The following CXADR variants were observed in gnomAD, a reference collection of about 807,000 sequenced individuals.
CXADR encodes coxsackievirus and adenovirus receptor.
Under a neutral mutation model 40.3 loss-of-function variants are expected in CXADR, and 20 were observed. The ratio of observed to expected loss-of-function variants is 0.50; its 90% CI spans 0.35 to 0.72. The LOEUF is 0.72. CXADR is among the 30% of genes least tolerant of loss of function. CXADR has a pLI of 0.01. For synonymous variants in CXADR, 150 were observed against 161.3 expected (o/e 0.93, Z 0.53); for missense variants, 332 against 449.1 (o/e 0.74, Z 2.36).
chr21:17,609,980 A>G, the CXADR span, among the ~76,000 whole-genome samples: 2 of 152,232 alleles, frequency 1.3e-5, no homozygotes, highest in African/African-American at 2.4e-5. Context: ...ATGTAATGGA[A>G]TATTATTCAG....
downstream of CXADR, among the ~76,000 whole-genome samples, chr21:17,573,727 G>A (rs1290513169): frequency 6.6e-6 from 1 of 152,184 alleles, no homozygotes; most frequent in East Asian, 1.9e-4. Flanking sequence ...TGACCAATGT[G>A]GTGAAACCCC....
chr21:17,573,606 AAGT>A (rs1381003035), downstream of CXADR, among the ~76,000 whole-genome samples: 1 of 152,120 alleles, frequency 6.6e-6, no homozygotes. Flanking sequence ...TCAAGTGAAA[AAGT>A]AGTTGAAACG....
the CXADR span, among the ~76,000 whole-genome samples, chr21:17,610,780 C>A: frequency 1.3e-5 from 2 of 152,216 alleles, no homozygotes. Context: ...ACTAACCTAG[C>A]AGTAGTTTGT....
intron 1 of CXADR, chr21:17,518,752 G>A: frequency 6.3e-7 from 1 of 1,588,096 alleles, no homozygotes; most frequent in Non-Finnish European, 8.6e-7. Context: ...AATTGCAAAG[G>A]TGTTAGCAGA....
intron 1 of CXADR, chr21:17,518,821 A>G: frequency 6.4e-7 from 1 of 1,566,336 alleles, no homozygotes; most frequent in Non-Finnish European, 8.8e-7. Context: ...ATCTTTAATC[A>G]TGTTCATCTC....
At position 17,568,602 on chromosome 21, in the gene CXADR, G is replaced by A. The variant is rs1234409185; in HGVS notation, c.*2910G>A. ...GAGATAGGGTTTCACTATTGCTCAG[G>A]CTGGTCTCAAACTGCTGGGCTCAGG... On this transcript the variant is annotated 3_prime_UTR_variant, in exon 7 of 7. Coordinates refer to ENST00000284878, the MANE Select transcript of CXADR (RefSeq NM_001338.5). 1 of 976,788 alleles carries A rather than the reference G, an allele frequency of 1.0e-6. No homozygotes were observed. The allele number at this position is 976,788 out of a possible 1,614,324, so 60.5% of individuals were successfully genotyped here.
At chr21:17,593,082 GT>G in intron 7 of CXADR, 2 of 1,245,202 alleles carry the variant, frequency 1.6e-6, no homozygotes, top group Admixed American at 3.9e-5. Flanking sequence ...GCTGATCTTA[GT>G]TTTTAAAAAT....
At chr21:17,627,618 A>G in the CXADR span, among the ~76,000 whole-genome samples, 1 of 152,226 alleles carries the variant, frequency 6.6e-6, no homozygotes, top group Non-Finnish European at 1.5e-5. Flanking sequence ...TCTACAAAAT[A>G]TTTAAAAGTA....
chr21:17,615,988 C>T, the CXADR span, among the ~76,000 whole-genome samples: 9 of 152,184 alleles, frequency 5.9e-5, no homozygotes, highest in Non-Finnish European at 1.0e-4. Flanking sequence ...TGGTGGCTCA[C>T]GCCTGTAATC....
intron 1 of CXADR, chr21:17,543,102 C>T: frequency 3.1e-6 from 1 of 325,852 alleles, no homozygotes; most frequent in South Asian, 2.5e-5. Flanking sequence ...ATCTAAAAGT[C>T]ATTAAAAAAT....
intron 7 of CXADR, among the ~76,000 whole-genome samples, chr21:17,578,032 C>T (rs2061334382): frequency 6.6e-6 from 1 of 152,050 alleles, no homozygotes; most frequent in South Asian, 2.1e-4. Context: ...TCTACTCATC[C>T]ATCTATTAAC....
Position 17,529,849 on chromosome 21 carries a change from T to A in CXADR, c.43+16677T>A, listed in dbSNP as rs535959501. On this transcript the variant is annotated intron_variant, in intron 1 of 6. Transcript: ENST00000284878. ...TTGTCACAAAGTGGCCACACCTGCA[T>A]ACCTAGCAACCTGATCCGGAAATAG... 2.6e-5 allele frequency among the ~76,000 whole-genome samples: 4 copies of A among 152,270 alleles called. No homozygotes were observed. The South Asian group carries it at 8.3e-4, about 32-fold the overall frequency.
chr21:17,552,009 A>G, intron 3 of CXADR, 56 bp downstream of exon 3: 1 of 1,283,746 alleles, frequency 7.8e-7, no homozygotes, highest in Non-Finnish European at 1.1e-6. Flanking sequence ...GATTAGTCAT[A>G]GTACTGTAGT....
At chr21:17,579,302 T>C (rs1157231467) in intron 7 of CXADR, among the ~76,000 whole-genome samples, 1 of 151,374 alleles carries the variant, frequency 6.6e-6, no homozygotes, top group African/African-American at 2.4e-5. Context: ...TTTTTTTTTT[T>C]GAGATGGAGT....
At chr21:17,546,263 C>T (rs1456013322) in intron 1 of CXADR, among the ~76,000 whole-genome samples, 1 of 152,188 alleles carries the variant, frequency 6.6e-6, no homozygotes, top group Non-Finnish European at 1.5e-5. Context: ...ACCCTACCGA[C>T]AGTGACTTAG....
chr21:17,581,816 GC>G (rs2061361621), intron 7 of CXADR, among the ~76,000 whole-genome samples: 1 of 96 alleles, frequency 0.01, no homozygotes. Context: ...TGCAACTCCA[GC>G]CTGGGGTGAC....
rs562727792 is a variant in CXADR, at chr21:17,529,604, A to G, written c.43+16432A>G. On this transcript the variant is annotated intron_variant, in intron 1 of 6. Transcript: ENST00000284878. Reference sequence around the variant, plus strand: ...CCAAAGTGCTAGGATTACAGGTGTGAGCCACTGCGCCCGGCCGCCTTTTTG... The same window carrying G: ...CCAAAGTGCTAGGATTACAGGTGTGGGCCACTGCGCCCGGCCGCCTTTTTG... Among the ~76,000 whole-genome samples, 13 of 152,366 alleles carry G rather than the reference A, an allele frequency of 8.5e-5. No homozygotes were observed. In the South Asian group the frequency reaches 2.7e-3, roughly 32 times the overall value.
At chr21:17,628,604 G>A in the CXADR span, among the ~76,000 whole-genome samples, 10 of 152,194 alleles carry the variant, frequency 6.6e-5, no homozygotes, top group African/African-American at 9.6e-5. Flanking sequence ...AGGTTCAAGC[G>A]ATTTTCCTGT....
chr21:17,552,547 T>G (rs1372411376), intron 3 of CXADR, among the ~76,000 whole-genome samples: 1 of 151,982 alleles, frequency 6.6e-6, no homozygotes, highest in Non-Finnish European at 1.5e-5. Flanking sequence ...CTTCTCTAGA[T>G]TCTGTGATAA....
Sources: allele counts gnomAD v4.1 joint callset (sites outside exome capture counted in the v4.1 genomes callset), GRCh38; gene constraint gnomAD v4.1.1; transcripts MANE v1.5; gene names NCBI Gene and HGNC (gene_info 2026-07-23, HGNC 2026-07-21).